RADIL: variants seen among roughly 807,000 people sequenced by gnomAD.
RADIL encodes the protein Rap associating with DIL domain.
In RADIL, 99 loss-of-function variants were observed where a neutral mutation model predicts 97.6. The ratio of observed to expected loss-of-function variants is 1.01; its 90% CI spans 0.86 to 1.20. RADIL has a LOEUF of 1.20. Among genes scored for constraint, RADIL ranks in the 50% most tolerant of loss-of-function variants. RADIL has a pLI of 0.00. For synonymous variants in RADIL, 803 were observed against 691.8 expected (o/e 1.16, Z -2.52); for missense variants, 1,765 against 1,498.9 (o/e 1.18, Z -2.93).
chr7:4,825,812 G>A (rs1211467313), intron 5 of RADIL, among the ~76,000 whole-genome samples: 12 of 150,694 alleles, frequency 8.0e-5, no homozygotes, highest in Admixed American at 5.3e-4. Context: ...GACCCGGGAG[G>A]TGGAAGTTGC....
intron 13 of RADIL, 109 bp downstream of exon 13, chr7:4,800,062 G>A (rs988625114): frequency 3.8e-5 from 54 of 1,411,268 alleles, no homozygotes; most frequent in East Asian, 7.4e-5. Context: ...TCTCCTCCCC[G>A]AAGGCCTTCC....
At chr7:4,805,442 G>A (rs376425655) in intron 10 of RADIL, 124 bp downstream of exon 10, 1 of 1,249,076 alleles carries the variant, frequency 8.0e-7, no homozygotes, top group Non-Finnish European at 1.1e-6. Flanking sequence ...CTCCTCCAGG[G>A]AGGTCCCCAG....
Position 4,879,407 on chromosome 7 carries a change from A to G in RADIL, c.-64-1204T>C, listed in dbSNP as rs1451626977. ...TGAGGCTGGACTGCAAGGCAGGAAA[A>G]TACTGGAAAACTGCGCACACATCTC... is the stretch of plus-strand genomic sequence containing the variant. On this transcript the variant is annotated intron_variant, in intron 1 of 14. Transcript: ENST00000399583. The surrounding 1 kb of genome is among the most constrained non-coding windows in gnomAD (Gnocchi z 4.1). Among the ~76,000 whole-genome samples the G allele has an allele frequency of 6.6e-6, 1 of 152,198 alleles. No individual in the cohort carries two copies. The highest frequency in any genetic ancestry group is 1.5e-5 in the Non-Finnish European group (1 of 68,030).
rs58871429 is a variant in RADIL, at chr7:4,881,414, CAA to C, written c.-65+2180_-65+2181del. Among the ~76,000 whole-genome samples, 10 of 82,286 alleles carry C rather than the reference CAA, an allele frequency of 1.2e-4. No individual in the cohort carries two copies. In the East Asian group the frequency reaches 1.3e-3, roughly 11 times the overall value. The allele number at this position is 82,286 out of a possible 152,430, so 54.0% of individuals were successfully genotyped here. A position where few individuals can be genotyped will look rare whatever the true frequency, so the allele number is the denominator to read the frequency against. On this transcript the variant is annotated intron_variant, in intron 1 of 14. Coordinates refer to ENST00000399583, the MANE Select transcript of RADIL (RefSeq NM_018059.5). ...TGGGCGACAGAGTGAGACTCCCTCTCAAAAAAAAAAAAAAAAAAAAGACAAAA... is the reference window on the plus strand; with the variant it reads ...TGGGCGACAGAGTGAGACTCCCTCTCAAAAAAAAAAAAAAAAAAGACAAAA...
intron 11 of RADIL, 45 bp downstream of exon 11, chr7:4,803,501 G>A (rs1242192207): frequency 2.4e-5 from 35 of 1,458,804 alleles, no homozygotes; most frequent in African/African-American, 2.0e-4. Context: ...TCCCCTCCCC[G>A]GGCACCTCGG....
intron 2 of RADIL, among the ~76,000 whole-genome samples, chr7:4,862,486 A>T (rs1784039629): frequency 6.6e-6 from 1 of 152,196 alleles, no homozygotes; most frequent in Non-Finnish European, 1.5e-5. Context: ...GTTCCCGTTG[A>T]GAATTCCGCA....
At position 4,799,308 on chromosome 7, in the gene RADIL, G is replaced by C; in HGVS notation, c.*70C>G. ...TGGTCAGTTACAAAACAGGGACGAA[G>C]GCGGGAGGAAGCCCAGTGTCACCAG... On this transcript the variant is annotated 3_prime_UTR_variant, in exon 15 of 15. Transcript: ENST00000399583. 6.7e-7 allele frequency: 1 copy of C among 1,498,964 alleles called. No homozygotes were observed. Among genetic ancestry groups the C allele is most frequent in the Non-Finnish European group, 9.2e-7 (1 of 1,081,296 alleles). The allele number at this position is 1,498,964 out of a possible 1,614,324, so 92.9% of individuals were successfully genotyped here. A position where few individuals can be genotyped will look rare whatever the true frequency, so the allele number is the denominator to read the frequency against.
At chr7:4,877,563 G>A (rs201205863) in intron 2 of RADIL, 42 bp downstream of exon 2, 18 of 1,552,318 alleles carry the variant, frequency 1.2e-5, no homozygotes, top group Middle Eastern at 1.9e-4. Context: ...CCTTCTCAGC[G>A]CTCAGACCCA....
rs934113833 is a variant in RADIL, at chr7:4,880,296, G to A, written c.-64-2093C>T. Among the ~76,000 whole-genome samples the A allele has an allele frequency of 3.3e-5, 5 of 152,130 alleles. No homozygotes were observed. Among genetic ancestry groups the A allele is most frequent in the African/African-American group, 9.7e-5 (4 of 41,432 alleles). ...GTCAAATCCTAAGAAGCTCAGAGCC[G>A]GCCGCAGCTTCCCCCACGGACTCAT... On this transcript the variant is annotated intron_variant, in intron 1 of 14. Transcript: ENST00000399583. This position sits in a 1 kb window ranked among gnomAD's most constrained non-coding sequence, Gnocchi z 4.5.
chr7:4,832,251 T>G, intron 4 of RADIL, 73 bp from the exon 5 acceptor site: 2 of 1,270,084 alleles, frequency 1.6e-6, no homozygotes, highest in Non-Finnish European at 2.2e-6. Context: ...AAATACACGA[T>G]ACCATCGACA....
Position 4,835,219 on chromosome 7 carries a change from G to A in RADIL, c.804C>T (p.Leu268=). The change falls in exon 4 of 15, where the codon CTC becomes CTT. Residue 268 remains leucine (L), a synonymous_variant. Transcript: ENST00000399583. The surrounding 1 kb of genome is among the most constrained non-coding windows in gnomAD (Gnocchi z 5.8). ...GGCCCACCGTGTGCCGGTCCCGGTT[G>A]AGCACATACACCAGGCTGTCCTGAA... ...SQQHDSLVYV[L]NRDRHTVGQR... 1 of 1,610,744 alleles carries A rather than the reference G, an allele frequency of 6.2e-7. No individual in the cohort carries two copies. Among genetic ancestry groups the A allele is most frequent in the Non-Finnish European group, 8.5e-7 (1 of 1,179,868 alleles).
rs1210258721 is a variant in RADIL, at chr7:4,822,190, T to C, written c.1615+204A>G. On this transcript the variant is annotated intron_variant, in intron 6 of 14. Transcript: ENST00000399583. The surrounding 1 kb of genome is among the most constrained non-coding windows in gnomAD (Gnocchi z 5.3). ...AGTGCCAAGGTGCTGTGGGGGGAGG[T>C]GCCAGACTGGCCCGTGCCACCAGCA... is the stretch of plus-strand genomic sequence containing the variant. Among the ~76,000 whole-genome samples the C allele has an allele frequency of 6.6e-6, 1 of 151,596 alleles. No homozygotes were observed. Among genetic ancestry groups the C allele is most frequent in the Non-Finnish European group, 1.5e-5 (1 of 67,944 alleles).
In RADIL at chr7:4,808,654, C is replaced by T. The variant is rs1029366168; in HGVS notation, c.2140-2938G>A. The T allele has an allele frequency of 9.5e-6, 9 of 951,862 alleles. No individual in the cohort carries two copies. The African/African-American group carries it at 1.6e-4, about 17-fold the overall frequency. 59.0% of individuals were successfully genotyped at this position (951,862 alleles called of 1,614,324 possible). A position where few individuals can be genotyped will look rare whatever the true frequency, so the allele number is the denominator to read the frequency against. On this transcript the variant is annotated intron_variant, in intron 9 of 14. Transcript: ENST00000399583. ...TGGTCTCTCCTTCCAACGCCACTGCCCCTCCGCGTCCCCTTCCGACGCCAC... is the reference window on the plus strand; with the variant it reads ...TGGTCTCTCCTTCCAACGCCACTGCTCCTCCGCGTCCCCTTCCGACGCCAC...
intron 11 of RADIL, among the ~76,000 whole-genome samples, chr7:4,802,299 C>G (rs1782116326): frequency 6.7e-6 from 1 of 149,518 alleles, no homozygotes; most frequent in South Asian, 2.1e-4. Flanking sequence ...CTGGGGGGCC[C>G]CCTCCCCAGG....
intron 2 of RADIL, among the ~76,000 whole-genome samples, chr7:4,850,541 G>A (rs1246854736): frequency 1.3e-5 from 2 of 152,208 alleles, no homozygotes; most frequent in Non-Finnish European, 2.9e-5. Flanking sequence ...CGGAAGAGAA[G>A]TCAGAGAGGT....
chr7:4,805,751 T>C (rs775336583), intron 9 of RADIL, 35 bp from the exon 10 acceptor site: 3 of 1,592,134 alleles, frequency 1.9e-6, no homozygotes, highest in Non-Finnish European at 2.6e-6. Context: ...GTCACAGGTC[T>C]CTGGGTGCAG....
In RADIL at chr7:4,836,426, C is replaced by T. The variant is rs3763384; in HGVS notation, c.715G>A (p.Asp239Asn). 489,845 of 1,586,950 alleles carry T rather than the reference C, an allele frequency of 0.31. 78,443 individuals carry two copies. The highest frequency in any genetic ancestry group is 0.38 in the East Asian group (16,450 of 43,388). ...TGGTACAGCGAGTACCGCATGGCGT[C>T]GGGGCCGGGCTCCTCGGGGCCCTGG... Reference protein sequence around the residue: ...AAQGPEEPGPDAMRYSLYQSP... With the variant: ...AAQGPEEPGPNAMRYSLYQSP... Residue 239 changes from aspartate (D) to asparagine (N), a missense_variant, in exon 3 of 15, where the codon GAC (aspartate) becomes AAC (asparagine). By Grantham distance (23) the Asp-to-Asn change is conservative (BLOSUM62 1). Transcript: ENST00000399583.
Position 4,862,274 on chromosome 7 carries a change from T to G in RADIL, c.535+15331A>C, listed in dbSNP as rs1050814924. 2.5e-4 allele frequency among the ~76,000 whole-genome samples: 38 copies of G among 152,232 alleles called. 1 individual carries two copies. Among genetic ancestry groups the G allele is most frequent in the Admixed American group, 2.3e-3 (35 of 15,288 alleles). On this transcript the variant is annotated intron_variant, in intron 2 of 14. Coordinates refer to ENST00000399583, the MANE Select transcript of RADIL (RefSeq NM_018059.5). ...TGACATCGCAGATGTGCATCCTTTT[T>G]GGGGGCACCCTCAGCACTCTTCACC...
intron 2 of RADIL, chr7:4,859,969 AAC>A (rs1439483762): frequency 1.2e-6 from 2 of 1,613,912 alleles, no homozygotes; most frequent in Admixed American, 3.3e-5. Flanking sequence ...TTGAAGAAAC[AAC>A]TCTGGCGACC....
Sources: allele counts gnomAD v4.1 joint callset (sites outside exome capture counted in the v4.1 genomes callset), GRCh38; gene constraint gnomAD v4.1.1; non-coding constraint Gnocchi (gnomAD v3.1); transcripts MANE v1.5; gene names NCBI Gene and HGNC (gene_info 2026-07-23, HGNC 2026-07-21).